Variants in RFPL2 observed in about 807,000 individuals in gnomAD.
The protein encoded by RFPL2 is ret finger protein-like 2.
In RFPL2, 13 loss-of-function variants were observed where a neutral mutation model predicts 17.8. The ratio of observed to expected loss-of-function variants is 0.73; its 90% CI spans 0.47 to 1.16. The LOEUF (loss-of-function observed/expected upper bound fraction) is 1.16, where lower values mean the gene tolerates loss of function less well. Among genes scored for constraint, RFPL2 ranks in the 50% most tolerant of loss-of-function variants. The pLI is 0.00. For missense variants in RFPL2, 431 were observed against 479.3 expected (o/e 0.90, Z 0.94); for synonymous variants, 189 against 180.9 (o/e 1.04, Z -0.36).
chr22:32,203,031 G>A lies in RFPL2; in HGVS notation c.-99-481C>T, dbSNP rs529030363. On this transcript the variant is annotated intron_variant, in intron 1 of 4. Coordinates refer to ENST00000652607, the MANE Select transcript of RFPL2 (RefSeq NM_001394555.1). Reference sequence around the variant, plus strand: ...CGCCGCACTTGAGCAAGAACAGGAGGAGGTGGCCGGGAAGAGGAGGACCGC... The same window carrying A: ...CGCCGCACTTGAGCAAGAACAGGAGAAGGTGGCCGGGAAGAGGAGGACCGC... 6 of 985,902 alleles carry A rather than the reference G, an allele frequency of 6.1e-6. No individual in the cohort carries two copies. The East Asian group carries it at 4.5e-4, about 75-fold the overall frequency. The allele number at this position is 985,902 out of a possible 1,614,324, so 61.1% of individuals were successfully genotyped here.
At chr22:32,193,500 C>T (rs1301883525) in intron 3 of RFPL2, 23 of 1,403,014 alleles carry the variant, frequency 1.6e-5, no homozygotes, top group South Asian at 6.5e-5. Flanking sequence ...TGAGGAACAG[C>T]GAGCTGGGGT....
At chr22:32,199,453 C>A (rs1243023201) in intron 2 of RFPL2, among the ~76,000 whole-genome samples, 2 of 152,148 alleles carry the variant, frequency 1.3e-5, no homozygotes, top group East Asian at 3.8e-4. Context: ...AGGCCCTGAC[C>A]CCACTGCAGA....
intron 1 of RFPL2, 108 bp from the exon 2 acceptor site, chr22:32,202,658 C>T: frequency 7.2e-7 from 1 of 1,386,572 alleles, no homozygotes; most frequent in African/African-American, 1.4e-5. Flanking sequence ...CTTCAAAGTC[C>T]AGCCTCTCCT....
intron 2 of RFPL2, among the ~76,000 whole-genome samples, chr22:32,195,259 A>G (rs3986024): frequency 2.0e-5 from 3 of 152,210 alleles, no homozygotes; most frequent in Non-Finnish European, 4.4e-5. Flanking sequence ...AATTTTGGTC[A>G]GCTTTAAATA....
chr22:32,202,023 C>T (rs1355236333), intron 2 of RFPL2, among the ~76,000 whole-genome samples: 3 of 152,208 alleles, frequency 2.0e-5, no homozygotes, highest in Non-Finnish European at 4.4e-5. Context: ...GATCAGGGTG[C>T]CAGCAGGGCC....
rs750922596 is a variant in RFPL2 at position 32,202,488 on chromosome 22, A to C, written c.-37T>G. On this transcript the variant is annotated 5_prime_UTR_variant, in exon 2 of 5. Transcript: ENST00000652607. Reference sequence around the variant, plus strand: ...CATGGTGCCACAGGCTCTAGCCTCCAGCCCGTGGCATGTAGCTCCTTCTCA... The same window carrying C: ...CATGGTGCCACAGGCTCTAGCCTCCCGCCCGTGGCATGTAGCTCCTTCTCA... The C allele has an allele frequency of 3.1e-4, 480 of 1,559,068 alleles. 1 individual carries two copies. The highest frequency in any genetic ancestry group is 4.0e-4 in the Non-Finnish European group (463 of 1,151,650).
chr22:32,193,156 C>T lies in RFPL2; in HGVS notation c.302G>A (p.Cys101Tyr), dbSNP rs1422526701. 1 of 1,613,978 alleles carries T rather than the reference C, an allele frequency of 6.2e-7. No homozygotes were observed. The highest frequency in any genetic ancestry group is 8.5e-7 in the Non-Finnish European group (1 of 1,179,880). The change falls in exon 4 of 5, where the codon TGT (cysteine) becomes TAT (tyrosine). Residue 101 changes from cysteine to tyrosine, a missense_variant. Cys to Tyr is a radical substitution (Grantham distance 194, BLOSUM62 -2). Coordinates refer to ENST00000652607, the MANE Select transcript of RFPL2 (RefSeq NM_001394555.1). The part of the protein sequence containing the change: ...MAALFQEASS[C>Y]PVCSDYLEKP... ...TTCCAGATAGTCTGAGCAGACGGGA[C>T]AGCTGCTTGCTTCTTGGAAGAGTGC...
chr22:32,199,645 G>A (rs774297846), intron 2 of RFPL2, among the ~76,000 whole-genome samples: 8 of 152,322 alleles, frequency 5.3e-5, no homozygotes, highest in East Asian at 3.9e-4. Context: ...GGCAGGCAGC[G>A]GCAGGCGGTT....
chr22:32,196,699 G>T (rs1923373413), intron 2 of RFPL2, among the ~76,000 whole-genome samples: 2 of 152,164 alleles, frequency 1.3e-5, no homozygotes, highest in Non-Finnish European at 2.9e-5. Context: ...AAATTCACAA[G>T]ATGATCCTTT....
At chr22:32,194,282 C>A in intron 3 of RFPL2, 63 bp downstream of exon 3, 1 of 1,557,048 alleles carries the variant, frequency 6.4e-7, no homozygotes, top group South Asian at 1.2e-5. Context: ...TTCATCCCCC[C>A]AAGTCATAAC....
Position 32,194,422 on chromosome 22 carries a change from G to A in RFPL2, c.188C>T (p.Pro63Leu), listed in dbSNP as rs1426965875. ...GTCTTGTGGGGAAGGGGCACACGAG[G>A]GCCTTTTATTGGTGAGATTCCCACC... ...VGGGNLTNKR[P>L]SCAPSPQDLS... Residue 63 changes from proline (P) to leucine (L), a missense_variant, in exon 3 of 5, where the codon CCC becomes CTC. Transcript: ENST00000652607. 1.9e-6 allele frequency: 3 copies of A among 1,611,258 alleles called. No individual in the cohort carries two copies. Among genetic ancestry groups the A allele is most frequent in the Admixed American group, 3.4e-5 (2 of 59,442 alleles).
In RFPL2 at chr22:32,202,008, G is replaced by T. The variant is rs180798967; in HGVS notation, c.119+325C>A. On this transcript the variant is annotated intron_variant, in intron 2 of 4. Coordinates refer to ENST00000652607, the MANE Select transcript of RFPL2 (RefSeq NM_001394555.1). ...AGAAGTCCAAAATGAGGCCTGAGCTGCTAAGATCAGGGTGCCAGCAGGGCC... is the reference window on the plus strand; with the variant it reads ...AGAAGTCCAAAATGAGGCCTGAGCTTCTAAGATCAGGGTGCCAGCAGGGCC... Among the ~76,000 whole-genome samples the T allele has an allele frequency of 6.8e-3, 1,034 of 152,280 alleles. 16 individuals carry two copies. Among genetic ancestry groups the T allele is most frequent in the African/African-American group, 0.024 (979 of 41,556 alleles).
At chr22:32,193,540 C>G in intron 3 of RFPL2, 1 of 1,313,670 alleles carries the variant, frequency 7.6e-7, no homozygotes, top group South Asian at 1.8e-5. Flanking sequence ...GGAACCCCAG[C>G]AAGAGACTGA....
chr22:32,201,671 T>C (rs1270370534), intron 2 of RFPL2, among the ~76,000 whole-genome samples: 1 of 152,192 alleles, frequency 6.6e-6, no homozygotes, highest in Non-Finnish European at 1.5e-5. Flanking sequence ...ACATCAGGAC[T>C]TTCTCTGTGA....
At chr22:32,192,585 C>T (rs1025616654) in intron 4 of RFPL2, among the ~76,000 whole-genome samples, 2 of 152,202 alleles carry the variant, frequency 1.3e-5, no homozygotes, top group Non-Finnish European at 2.9e-5. Flanking sequence ...AGCAAAGTCC[C>T]CAAGCCAGTG....
intron 1 of RFPL2, chr22:32,203,021 A>G (rs1924107029): frequency 1.0e-6 from 1 of 986,084 alleles, no homozygotes; most frequent in African/African-American, 1.7e-5. Flanking sequence ...CACTTGAGCA[A>G]GAACAGGAGG....
intron 1 of RFPL2, chr22:32,203,097 G>T (rs1924118243): frequency 3.0e-6 from 3 of 985,516 alleles, no homozygotes; most frequent in Non-Finnish European, 3.6e-6. Flanking sequence ...CACCTCCACC[G>T]CCCGCCACCG....
intron 4 of RFPL2, 41 bp downstream of exon 4, chr22:32,192,861 G>T: frequency 6.4e-7 from 1 of 1,556,648 alleles, no homozygotes; most frequent in East Asian, 2.2e-5. Context: ...ATTTTTCCTG[G>T]TCTGGTCTTG....
chr22:32,202,557 C>G lies in RFPL2; in HGVS notation c.-99-7G>C, dbSNP rs1924042305. On this transcript the variant is annotated splice_region_variant and splice_polypyrimidine_tract_variant and intron_variant, in intron 1 of 4. Coordinates refer to ENST00000652607, the MANE Select transcript of RFPL2 (RefSeq NM_001394555.1). ...CAGACAAAGCCAGAAAAGCCTAGAA[C>G]AGGATGCAGAGTGGTAACATTAGAG... 4 of 1,511,714 alleles carry G rather than the reference C, an allele frequency of 2.6e-6. No homozygotes were observed. Among genetic ancestry groups the G allele is most frequent in the Non-Finnish European group, 3.5e-6 (4 of 1,133,046 alleles). 93.6% of individuals were successfully genotyped at this position (1,511,714 alleles called of 1,614,324 possible).
Sources: gnomAD v4.1 joint callset for allele counts (sites outside exome capture counted in the v4.1 genomes callset) on GRCh38, gnomAD v4.1.1 for gene constraint, MANE v1.5 for transcripts, NCBI Gene and HGNC (gene_info 2026-07-23, HGNC 2026-07-21) for gene names.